IGFBP2: variants seen among roughly 807,000 people sequenced by gnomAD.
IGFBP2 encodes insulin like growth factor binding protein 2.
A neutral mutation model predicts 26.2 loss-of-function variants in IGFBP2; 12 were observed. The observed-to-expected ratio is 0.46, with a 90% CI of 0.29 to 0.74. IGFBP2 has a LOEUF of 0.74. Among genes scored for constraint, IGFBP2 ranks in the 30% least tolerant of loss-of-function variants. The probability of loss-of-function intolerance (pLI) is 0.09; values close to 1 mark genes in which losing one functional copy is unlikely to be tolerated. For synonymous variants in IGFBP2, 189 were observed against 200.6 expected (o/e 0.94, Z 0.49); for missense variants, 328 against 441.2 (o/e 0.74, Z 2.30).
intron 1 of IGFBP2, chr2:216,659,849 G>A (rs958535924): frequency 8.6e-6 from 8 of 929,552 alleles, no homozygotes; most frequent in South Asian, 1.4e-5. Context: ...GGGAACGAGG[G>A]AATGTCAGTG....
At chr2:216,644,415 G>A (rs959577696) in intron 1 of IGFBP2, among the ~76,000 whole-genome samples, 3 of 152,156 alleles carry the variant, frequency 2.0e-5, no homozygotes, top group Non-Finnish European at 4.4e-5. Context: ...AGGTGTGGCA[G>A]CCTGTGTTCA....
intron 1 of IGFBP2, among the ~76,000 whole-genome samples, chr2:216,657,298 C>T (rs537792879): frequency 6.6e-6 from 1 of 152,082 alleles, no homozygotes; most frequent in Admixed American, 6.6e-5. Flanking sequence ...TGAGTGCGTG[C>T]GCTGCACGGC....
At chr2:216,662,307 C>T (rs533077663) in intron 3 of IGFBP2, 28 of 362,326 alleles carry the variant, frequency 7.7e-5, no homozygotes, top group Non-Finnish European at 1.2e-4. Context: ...TTGCTTTGAT[C>T]GGACATTGAC....
At chr2:216,655,412 G>C (rs1697901065) in intron 1 of IGFBP2, among the ~76,000 whole-genome samples, 2 of 152,224 alleles carry the variant, frequency 1.3e-5, no homozygotes, top group East Asian at 3.9e-4. Flanking sequence ...GTTTTATAAG[G>C]AGCTCTTCCC....
Position 216,645,137 on chromosome 2 carries a change from A to T in IGFBP2, c.442+11172A>T, listed in dbSNP as rs570421830. Among the ~76,000 whole-genome samples, 101 of 152,310 alleles carry T rather than the reference A, an allele frequency of 6.6e-4. 1 individual carries two copies. The highest frequency in any genetic ancestry group is 2.3e-3 in the African/African-American group (96 of 41,566). ...GGCCAAGAACAAAATGAAAATGGCA[A>T]TTCCCTTGTGCCCTGTGCCCTGCCC... On this transcript the variant is annotated intron_variant, in intron 1 of 3. Transcript: ENST00000233809.
intron 3 of IGFBP2, chr2:216,662,896 C>T (rs564302775): frequency 6.6e-6 from 1 of 152,262 alleles, no homozygotes; most frequent in South Asian, 2.1e-4. Context: ...CCAGGCTGGT[C>T]TTGAACTCCT....
chr2:216,635,051 A>C (rs1697468560), intron 1 of IGFBP2, among the ~76,000 whole-genome samples: 1 of 151,790 alleles, frequency 6.6e-6, no homozygotes. Flanking sequence ...CTTAAAAAGA[A>C]AAAGTGAAAA....
chr2:216,654,512 A>G (rs2106201501), intron 1 of IGFBP2, among the ~76,000 whole-genome samples: 1 of 152,304 alleles, frequency 6.6e-6, no homozygotes, highest in South Asian at 2.1e-4. Context: ...TGGGGTTTGA[A>G]TCTCTTTGGC....
At chr2:216,653,220 A>T (rs1207831700) in intron 1 of IGFBP2, among the ~76,000 whole-genome samples, 1 of 152,220 alleles carries the variant, frequency 6.6e-6, no homozygotes, top group Non-Finnish European at 1.5e-5. Context: ...GGTCTCTCTT[A>T]GATCAGGAAT....
intron 1 of IGFBP2, among the ~76,000 whole-genome samples, chr2:216,639,980 G>A (rs1019176302): frequency 2.0e-5 from 3 of 152,120 alleles, no homozygotes; most frequent in East Asian, 1.9e-4. Context: ...TCCAGGGAGT[G>A]CATTTCGTCT....
At chr2:216,643,428 A>G (rs1159342030) in intron 1 of IGFBP2, among the ~76,000 whole-genome samples, 2 of 152,134 alleles carry the variant, frequency 1.3e-5, no homozygotes, top group Non-Finnish European at 2.9e-5. Flanking sequence ...TCCAGCATCT[A>G]ATGAGGCATG....
intron 1 of IGFBP2, among the ~76,000 whole-genome samples, chr2:216,651,431 G>A (rs1230157159): frequency 2.0e-5 from 3 of 152,246 alleles, no homozygotes; most frequent in African/African-American, 7.2e-5. Flanking sequence ...AACTGAGCAT[G>A]CGTGGTGATT....
chr2:216,659,518 C>T lies in IGFBP2; in HGVS notation c.443-1039C>T. 5.1e-6 allele frequency: 3 copies of T among 592,168 alleles called. No individual in the cohort carries two copies. In the South Asian group the frequency reaches 5.6e-5, roughly 11 times the overall value. The allele number at this position is 592,168 out of a possible 1,614,324, so 36.7% of individuals were successfully genotyped here. A position where few individuals can be genotyped will look rare whatever the true frequency, so the allele number is the denominator to read the frequency against. The stretch of plus-strand genomic sequence containing the variant: ...GGGGCTCGGCGGTGTGAGGCCCTGC[C>T]CTTCTGGAGCTTGCTGGGGCTTGTC... On this transcript the variant is annotated intron_variant, in intron 1 of 3. Coordinates refer to ENST00000233809, the MANE Select transcript of IGFBP2 (RefSeq NM_000597.3).
chr2:216,656,575 T>A (rs925225168), intron 1 of IGFBP2, among the ~76,000 whole-genome samples: 1 of 152,038 alleles, frequency 6.6e-6, no homozygotes. Context: ...GGGAGGGTGC[T>A]ACTGGTTTCT....
intron 2 of IGFBP2, 76 bp from the exon 3 acceptor site, chr2:216,661,782 C>T: frequency 1.3e-6 from 2 of 1,564,198 alleles, no homozygotes; most frequent in Non-Finnish European, 1.8e-6. Flanking sequence ...CAGCTTCTCG[C>T]TGAGCTTGCG....
chr2:216,641,381 A>G (rs1697610140), intron 1 of IGFBP2, among the ~76,000 whole-genome samples: 2 of 152,204 alleles, frequency 1.3e-5, no homozygotes, highest in African/African-American at 2.4e-5. Context: ...TTATTTGCAA[A>G]TCAGAAATTG....
chr2:216,647,883 C>T (rs1352746847), intron 1 of IGFBP2, among the ~76,000 whole-genome samples: 4 of 152,028 alleles, frequency 2.6e-5, no homozygotes, highest in East Asian at 1.9e-4. Flanking sequence ...TGCAATTGCA[C>T]GATCTCAGCT....
At chr2:216,642,256 C>G (rs939538719) in intron 1 of IGFBP2, among the ~76,000 whole-genome samples, 3 of 151,048 alleles carry the variant, frequency 2.0e-5, no homozygotes, top group Non-Finnish European at 4.4e-5. Flanking sequence ...CCTCGGCCTC[C>G]CAAAGTGCTG....
intron 1 of IGFBP2, among the ~76,000 whole-genome samples, chr2:216,647,383 A>T (rs1184888430): frequency 1.3e-5 from 2 of 152,242 alleles, no homozygotes; most frequent in Non-Finnish European, 2.9e-5. Flanking sequence ...AGGAGGACTA[A>T]GAAAATGCAC....
Sources: allele counts gnomAD v4.1 joint callset (sites outside exome capture counted in the v4.1 genomes callset), GRCh38; gene constraint gnomAD v4.1.1; transcripts MANE v1.5; gene names NCBI Gene and HGNC (gene_info 2026-07-23, HGNC 2026-07-21).